The following MEF2D variants were observed in gnomAD, a reference collection of about 807,000 sequenced individuals.
MEF2D encodes myocyte-specific enhancer factor 2D.
Under a neutral mutation model 59.3 loss-of-function variants are expected in MEF2D, and 10 were observed. The ratio of observed to expected loss-of-function variants is 0.17; its 90% CI spans 0.10 to 0.29. The LOEUF (loss-of-function observed/expected upper bound fraction) is 0.29. Ranked by LOEUF, MEF2D falls within the 10% of genes least tolerant of loss-of-function variation. The pLI is 1.00. For missense variants in MEF2D, 508 were observed against 699.4 expected, an observed-to-expected ratio of 0.73 and a Z score of 3.09; for synonymous variants, 305 against 295.0, an observed-to-expected ratio of 1.03 and a Z score of -0.35.
intron 3 of MEF2D, 52 bp from the exon 4 acceptor site, chr1:156,481,023 C>A (rs1297280327): frequency 1.2e-6 from 2 of 1,607,186 alleles, no homozygotes; most frequent in African/African-American, 1.3e-5. Context: ...CCGCCCGCCT[C>A]GCTGGAGTTC....
At chr1:156,474,587 G>A (rs959239520) in intron 9 of MEF2D, among the ~76,000 whole-genome samples, 1 of 152,190 alleles carries the variant, frequency 6.6e-6, no homozygotes, top group South Asian at 2.1e-4. Context: ...GAGGCAGGAG[G>A]ACTGCTTGAG....
At chr1:156,474,807 T>C (rs1413784906) in intron 9 of MEF2D, among the ~76,000 whole-genome samples, 1 of 151,184 alleles carries the variant, frequency 6.6e-6, no homozygotes, top group Non-Finnish European at 1.5e-5. Flanking sequence ...GAAACCCTGT[T>C]CCAAAAAAGA....
Position 156,479,717 on chromosome 1 carries a change from G to A in MEF2D, c.476C>T (p.Pro159Leu). 3 of 1,551,732 alleles carry A rather than the reference G, an allele frequency of 1.9e-6. No individual in the cohort carries two copies. Among genetic ancestry groups the A allele is most frequent in the Non-Finnish European group, 2.6e-6 (3 of 1,146,998 alleles). Residue 159 changes from proline (P) to leucine (L), a missense_variant, in exon 5 of 12, where the codon CCC (proline) becomes CTC (leucine). Physicochemically the swap from Pro to Leu is moderately conservative, Grantham distance 98. This residue lies in a region of MEF2D where 481 missense variants were observed against 584.7 expected (regional missense o/e 0.82). Coordinates refer to ENST00000348159, the MANE Select transcript of MEF2D (RefSeq NM_005920.4). ...GGAAGGGGTGACCAGGGAGCCGCTGGGATTGCTGAACTGCAGTGAGCTCTG... is the reference window on the plus strand; with the variant it reads ...GGAAGGGGTGACCAGGGAGCCGCTGAGATTGCTGAACTGCAGTGAGCTCTG... The part of the protein sequence containing the change: ...SNQSSLQFSN[P>L]SGSLVTPSLV...
At chr1:156,471,807 C>T (rs895481117) in intron 9 of MEF2D, among the ~76,000 whole-genome samples, 3 of 152,258 alleles carry the variant, frequency 2.0e-5, no homozygotes, top group Non-Finnish European at 4.4e-5. Context: ...GTTTTGTTTA[C>T]ACACCTAGGG....
chr1:156,494,686 A>G (rs1557897602), intron 1 of MEF2D, among the ~76,000 whole-genome samples: 2 of 152,204 alleles, frequency 1.3e-5, no homozygotes, highest in Non-Finnish European at 2.9e-5. Flanking sequence ...AGATGCAACC[A>G]TCACACTTTT....
intron 9 of MEF2D, 65 bp from the exon 10 acceptor site, chr1:156,469,085 G>A: frequency 2.0e-6 from 3 of 1,536,908 alleles, no homozygotes; most frequent in Non-Finnish European, 2.6e-6. Flanking sequence ...CTATGAGGGA[G>A]CTGCCTCCAG....
Position 156,465,655 on chromosome 1 carries a change from C to T in MEF2D, c.*1990G>A, listed in dbSNP as rs1670793100. The T allele has an allele frequency of 6.6e-6, 1 of 152,354 alleles. No individual in the cohort carries two copies. Among genetic ancestry groups the T allele is most frequent in the Non-Finnish European group, 1.5e-5 (1 of 68,206 alleles). 9.4% of individuals were successfully genotyped at this position (152,354 alleles called of 1,614,324 possible). ...GTGCAACCACACACACACATAAATACAAAAGTACACCCGTGCAATCAGACA... is the reference window on the plus strand; with the variant it reads ...GTGCAACCACACACACACATAAATATAAAAGTACACCCGTGCAATCAGACA... On this transcript the variant is annotated 3_prime_UTR_variant, in exon 12 of 12. Transcript: ENST00000348159.
Position 156,476,394 on chromosome 1 carries a change from C to T in MEF2D, c.876+100G>A. Reference sequence around the variant, plus strand: ...CAAAGAAACAGCAACAGTTCACGCACAGGCGAGAGGCCAAGGACGCACACG... The same window carrying T: ...CAAAGAAACAGCAACAGTTCACGCATAGGCGAGAGGCCAAGGACGCACACG... On this transcript the variant is annotated intron_variant, in intron 8 of 11. Transcript: ENST00000348159. 4.3e-6 allele frequency: 6 copies of T among 1,379,380 alleles called. No individual in the cohort carries two copies. In the South Asian group the frequency reaches 6.1e-5, roughly 14 times the overall value. The allele number at this position is 1,379,380 out of a possible 1,614,324, so 85.4% of individuals were successfully genotyped here.
chr1:156,470,627 G>T (rs1366960929), intron 9 of MEF2D, among the ~76,000 whole-genome samples: 2 of 152,090 alleles, frequency 1.3e-5, no homozygotes, highest in Non-Finnish European at 2.9e-5. Context: ...AAGGTTAAAG[G>T]CATGAGCTAT....
In MEF2D at chr1:156,483,335, T is replaced by C. The variant is rs199599203; in HGVS notation, c.-43A>G. ...AGTGCTACGGAGGGGAGGGGCTCGC[T>C]GGGTGGTGGGTCTCGGCACACCTTA... On this transcript the variant is annotated 5_prime_UTR_variant, in exon 2 of 12. Transcript: ENST00000348159. 25 of 1,587,798 alleles carry C rather than the reference T, an allele frequency of 1.6e-5. No individual in the cohort carries two copies. Among genetic ancestry groups the C allele is most frequent in the East Asian group, 2.2e-5 (1 of 44,742 alleles).
At chr1:156,476,209 G>A (rs1671563973) in intron 8 of MEF2D, among the ~76,000 whole-genome samples, 1 of 152,120 alleles carries the variant, frequency 6.6e-6, no homozygotes, top group Non-Finnish European at 1.5e-5. Context: ...ACTCCCCCTC[G>A]CACACGTACA....
At chr1:156,480,713 G>C in intron 4 of MEF2D, 121 bp downstream of exon 4, 3 of 1,610,280 alleles carry the variant, frequency 1.9e-6, no homozygotes, top group Non-Finnish European at 2.5e-6. Context: ...TTCCGTCTGG[G>C]GGGTCAGGGC....
At chr1:156,472,280 A>AC (rs1216559476) in intron 9 of MEF2D, among the ~76,000 whole-genome samples, 5 of 152,250 alleles carry the variant, frequency 3.3e-5, no homozygotes, top group African/African-American at 1.2e-4. Flanking sequence ...CCTCCTGTCT[A>AC]CCCACTCCTC....
intron 9 of MEF2D, 61 bp from the exon 10 acceptor site, chr1:156,469,081 G>A: frequency 6.5e-7 from 1 of 1,540,794 alleles, no homozygotes; most frequent in Admixed American, 1.8e-5. Flanking sequence ...GCTCCTATGA[G>A]GGAGCTGCCT....
Position 156,476,496 on chromosome 1 carries a change from G to C in MEF2D, c.874C>G (p.Leu292Val), listed in dbSNP as rs199971461. The change falls in exon 8 of 12, where the codon CTG (leucine) becomes GTG (valine). Residue 292 changes from leucine to valine, a missense_variant and splice_region_variant. Leu to Val is a conservative substitution (Grantham distance 32, BLOSUM62 1). Coordinates refer to ENST00000348159, the MANE Select transcript of MEF2D (RefSeq NM_005920.4). ...AAAGAGCTCACAGCCTCACTTACCA[G>C]ATCTAAATGGTCCTCAGTCTGAGAG... is the stretch of plus-strand genomic sequence containing the variant. ...MHHLTEDHLD[L>V]NNAQRLGVSQ... 1.2e-5 allele frequency: 20 copies of C among 1,611,886 alleles called. No homozygotes were observed. The highest frequency in any genetic ancestry group is 1.7e-5 in the Non-Finnish European group (20 of 1,179,150).
At chr1:156,483,901 C>T (rs183377222) in intron 1 of MEF2D, among the ~76,000 whole-genome samples, 4 of 152,300 alleles carry the variant, frequency 2.6e-5, no homozygotes, top group Non-Finnish European at 4.4e-5. Context: ...GATGGGATGT[C>T]TCTGGTGCCC....
chr1:156,468,963 C>T lies in MEF2D; in HGVS notation c.1064G>A (p.Gly355Glu), dbSNP rs755590612. The T allele has an allele frequency of 1.2e-6, 2 of 1,613,440 alleles. No individual in the cohort carries two copies. Among genetic ancestry groups the T allele is most frequent in the Admixed American group, 3.3e-5 (2 of 60,000 alleles). The change falls in exon 10 of 12, where the codon GGG (glycine) becomes GAG (glutamate). Residue 355 changes from glycine (G) to glutamate (E), a missense_variant. By Grantham distance (98) the Gly-to-Glu change is moderately conservative (BLOSUM62 -2). Transcript: ENST00000348159. This position sits in a 1 kb window ranked among gnomAD's most constrained non-coding sequence, Gnocchi z 4.3. ...SSLPAFSSPG[G>E]LSLGNVTAWQ... ...GGCAGTGACATTGCCTAGCGACAGC[C>T]CCCCAGGTGAACTAAAGGCTGGTAA...
At chr1:156,472,705 C>A (rs941028237) in intron 9 of MEF2D, among the ~76,000 whole-genome samples, 3 of 151,176 alleles carry the variant, frequency 2.0e-5, no homozygotes, top group Non-Finnish European at 4.4e-5. Flanking sequence ...TGTGCCACCA[C>A]GCCCGGCTAA....
At chr1:156,491,853 G>T (rs1672819819) in intron 1 of MEF2D, among the ~76,000 whole-genome samples, 1 of 152,228 alleles carries the variant, frequency 6.6e-6, no homozygotes, top group African/African-American at 2.4e-5. Context: ...TCCAGGACCT[G>T]GGTCACCCCC....
Sources: allele counts gnomAD v4.1 joint callset (sites outside exome capture counted in the v4.1 genomes callset), GRCh38; gene constraint gnomAD v4.1.1; regional missense constraint gnomAD v4.1.1; non-coding constraint Gnocchi (gnomAD v3.1); transcripts MANE v1.5; gene names NCBI Gene and HGNC (gene_info 2026-07-23, HGNC 2026-07-21).